DRAM2: variants seen among roughly 807,000 people sequenced by gnomAD.
DRAM2 encodes DNA damage-regulated autophagy modulator protein 2.
In DRAM2, 26 loss-of-function variants were observed where a neutral mutation model predicts 33.5. The observed-to-expected ratio is 0.78, with a 90% CI of 0.57 to 1.08. The LOEUF is 1.08. DRAM2 is among the 50% of genes least tolerant of loss of function. The pLI, the probability that DRAM2 is intolerant of heterozygous loss-of-function variation, is 0.00. For synonymous variants in DRAM2, 98 were observed against 109.5 expected (o/e 0.89, Z 0.66); for missense variants, 311 against 318.1 (o/e 0.98, Z 0.17).
At chr1:111,130,246 T>A (rs1427518087) in intron 4 of DRAM2, among the ~76,000 whole-genome samples, 2 of 152,158 alleles carry the variant, frequency 1.3e-5, no homozygotes, top group African/African-American at 4.8e-5. Context: ...AGTCAAACTG[T>A]CCAGGTTTAA....
chr1:111,124,598 G>T (rs1193882981), intron 6 of DRAM2, 144 bp downstream of exon 6: 1 of 809,032 alleles, frequency 1.2e-6, no homozygotes, highest in Non-Finnish European at 1.9e-6. Flanking sequence ...TTTCTAATAG[G>T]GTCAAATAAT....
chr1:111,118,936 C>T, intron 8 of DRAM2, 39 bp from the exon 9 acceptor site: 9 of 1,407,528 alleles, frequency 6.4e-6, no homozygotes, highest in Non-Finnish European at 8.8e-6. Flanking sequence ...TGTGAAATTT[C>T]ATTTAAACGA....
At chr1:111,131,598 T>G in intron 3 of DRAM2, 30 bp from the exon 4 acceptor site, 1 of 1,610,614 alleles carries the variant, frequency 6.2e-7, no homozygotes, top group Non-Finnish European at 8.5e-7. Flanking sequence ...TTAGAAAAGA[T>G]AATTCACAAG....
intron 3 of DRAM2, among the ~76,000 whole-genome samples, chr1:111,134,190 C>T (rs1338068917): frequency 6.6e-6 from 1 of 152,094 alleles, no homozygotes; most frequent in African/African-American, 2.4e-5. Context: ...AACATTGGTA[C>T]AAATTCATGC....
chr1:111,124,210 G>A (rs999500317), intron 6 of DRAM2, among the ~76,000 whole-genome samples: 12 of 152,072 alleles, frequency 7.9e-5, no homozygotes, highest in African/African-American at 2.7e-4. Context: ...GATAAAGGTT[G>A]ACCACTACTT....
rs561982441 is a variant in DRAM2, at chr1:111,139,841, C to T, written c.-244-175G>A. On this transcript the variant is annotated intron_variant, in intron 1 of 9. Coordinates refer to ENST00000484310, the MANE Select transcript of DRAM2 (RefSeq NM_001349884.2). ...CGCAGCTCCCGCCCCAACCAGCCCC[C>T]CTCTGGCGCCTGGCATAAGGTAGCC... The T allele has an allele frequency of 2.6e-5, 4 of 152,638 alleles. No homozygotes were observed. In the South Asian group the frequency reaches 6.2e-4, roughly 24 times the overall value. 9.5% of individuals were successfully genotyped at this position (152,638 alleles called of 1,614,324 possible).
intron 4 of DRAM2, among the ~76,000 whole-genome samples, chr1:111,130,558 GGCGTGGTGGTGT>G (rs1007713664): frequency 2.0e-5 from 3 of 149,608 alleles, no homozygotes; most frequent in African/African-American, 7.4e-5. Flanking sequence ...ACAAAAATTA[GGCGTGGTGGTGT>G]GCGCCTGTAA....
chr1:111,137,609 A>G (rs1653496520), intron 2 of DRAM2, 23 bp from the exon 3 acceptor site: 1 of 152,206 alleles, frequency 6.6e-6, no homozygotes, highest in Admixed American at 6.5e-5. Flanking sequence ...CAAAGAAAAT[A>G]AGAAGTTTTT....
At chr1:111,123,179 A>C (rs1650352601) in intron 6 of DRAM2, among the ~76,000 whole-genome samples, 1 of 152,218 alleles carries the variant, frequency 6.6e-6, no homozygotes, top group Admixed American at 6.5e-5. Context: ...TGTGGCACAG[A>C]CAGCTAGCTA....
At position 111,117,435 on chromosome 1, in the gene DRAM2, T is replaced by C. The variant is rs1649143783; in HGVS notation, c.*725A>G. ...TATATAAAATATGACTAAAGTAAATTTACCTACAGGTGCCTCTCTCCTTCA... is the reference window on the plus strand; with the variant it reads ...TATATAAAATATGACTAAAGTAAATCTACCTACAGGTGCCTCTCTCCTTCA... On this transcript the variant is annotated 3_prime_UTR_variant, in exon 10 of 10. Coordinates refer to ENST00000484310, the MANE Select transcript of DRAM2 (RefSeq NM_001349884.2). 6.6e-6 allele frequency: 1 copy of C among 152,090 alleles called. No individual in the cohort carries two copies. The highest frequency in any genetic ancestry group is 1.5e-5 in the Non-Finnish European group (1 of 67,956). The allele number at this position is 152,090 out of a possible 1,614,324, so 9.4% of individuals were successfully genotyped here.
chr1:111,131,611 T>A, intron 3 of DRAM2, 43 bp from the exon 4 acceptor site: 1 of 1,601,344 alleles, frequency 6.2e-7, no homozygotes, highest in Middle Eastern at 1.7e-4. Context: ...TTCACAAGAG[T>A]TTCCTCATCC....
At chr1:111,121,220 A>C (rs1649993670) in intron 6 of DRAM2, among the ~76,000 whole-genome samples, 1 of 152,088 alleles carries the variant, frequency 6.6e-6, no homozygotes, top group African/African-American at 2.4e-5. Context: ...TTTAACTGTA[A>C]ATAAAATTTA....
At chr1:111,139,303 T>C (rs892428646) in intron 2 of DRAM2, among the ~76,000 whole-genome samples, 198 bp downstream of exon 2, 5 of 152,218 alleles carry the variant, frequency 3.3e-5, no homozygotes, top group Non-Finnish European at 7.3e-5. Context: ...TTTTCAGATG[T>C]ATCCTACTTG....
At chr1:111,123,246 A>G (rs1323265614) in intron 6 of DRAM2, among the ~76,000 whole-genome samples, 1 of 152,122 alleles carries the variant, frequency 6.6e-6, no homozygotes, top group Non-Finnish European at 1.5e-5. Context: ...GCTGGGAACT[A>G]ATGTCCAGCA....
At chr1:111,120,746 G>A (rs1649897089) in intron 6 of DRAM2, 53 bp from the exon 7 acceptor site, 2 of 1,405,738 alleles carry the variant, frequency 1.4e-6, no homozygotes, top group Non-Finnish European at 1.9e-6. Context: ...GAACACATTG[G>A]CAACACAACA....
chr1:111,121,042 C>CCAGCT (rs1458352129), intron 6 of DRAM2, among the ~76,000 whole-genome samples: 1 of 151,938 alleles, frequency 6.6e-6, no homozygotes, highest in African/African-American at 2.4e-5. Flanking sequence ...AGGCAAAAAT[C>CCAGCT]CAGCTCTGAG....
chr1:111,124,860 C>G lies in DRAM2; in HGVS notation c.221G>C (p.Arg74Pro). 1 of 1,612,340 alleles carries G rather than the reference C, an allele frequency of 6.2e-7. No individual in the cohort carries two copies. The highest frequency in any genetic ancestry group is 8.5e-7 in the Non-Finnish European group (1 of 1,179,320). ...ACTCAGAGCATGAACTTGCTTATAA[C>G]GAACATAAATGGTAGCAATGCCTGG... Reference protein sequence around the residue: ...AVLCIATIYVRYKQVHALSPE... With the variant: ...AVLCIATIYVPYKQVHALSPE... The change falls in exon 6 of 10, where the codon CGT (arginine) becomes CCT (proline). Residue 74 changes from arginine to proline, a missense_variant. By Grantham distance (103) the Arg-to-Pro change is moderately radical. Transcript: ENST00000484310.
At chr1:111,130,495 G>T (rs780254998) in intron 4 of DRAM2, among the ~76,000 whole-genome samples, 151 of 152,150 alleles carry the variant, frequency 9.9e-4, no homozygotes, top group Non-Finnish European at 1.1e-3. Context: ...CACGAGGTCA[G>T]AAGTTCAAGA....
In DRAM2 at chr1:111,118,866, G is replaced by C. The variant is rs144679690; in HGVS notation, c.632C>G (p.Ala211Gly). 3.8e-4 allele frequency: 616 copies of C among 1,609,710 alleles called. No homozygotes were observed. The highest frequency in any genetic ancestry group is 4.8e-4 in the Non-Finnish European group (565 of 1,177,562). Residue 211 changes from alanine to glycine, a missense_variant, in exon 9 of 10, where the codon GCA becomes GGA. Transcript: ENST00000484310. ...GYVLHMITTA[A>G]EWSMSFSFFG... ...GAAGGAAAATGACATAGACCATTCT[G>C]CTGCAGTAGTGATCATGTGAAGCAC... is the stretch of plus-strand genomic sequence containing the variant.
Sources: gnomAD v4.1 joint callset for allele counts (sites outside exome capture counted in the v4.1 genomes callset) on GRCh38, gnomAD v4.1.1 for gene constraint, MANE v1.5 for transcripts, NCBI Gene and HGNC (gene_info 2026-07-23, HGNC 2026-07-21) for gene names.